The following PCDHA2 variants were observed in gnomAD, a reference collection of about 807,000 sequenced individuals.
PCDHA2 encodes protocadherin alpha 2.
In PCDHA2, 58 loss-of-function variants were observed where a neutral mutation model predicts 66.0. The observed-to-expected ratio is 0.88, with a 90% CI of 0.71 to 1.09. The LOEUF is 1.09. PCDHA2 is among the 50% of genes least tolerant of loss of function. PCDHA2 has a pLI of 0.00. For synonymous variants in PCDHA2, 634 were observed against 554.0 expected (o/e 1.14, Z -2.03); for missense variants, 1,267 against 1,242.3 (o/e 1.02, Z -0.30).
Position 141,009,661 on chromosome 5 carries a change from T to G in PCDHA2, c.2571T>G (p.Gly857=), listed in dbSNP as rs1554262260. ...PEAGEVSPPV[G]AGVNSNSWTF... ...CAGGAGAAGTGTCCCCTCCAGTCGG[T>G]GCGGGTGTCAACAGCAACAGCTGGA... The change falls in exon 4 of 4, where the codon GGT becomes GGG. Residue 857 remains glycine (G), a synonymous_variant. Coordinates refer to ENST00000526136, the MANE Select transcript of PCDHA2 (RefSeq NM_018905.3). 1 of 1,614,030 alleles carries G rather than the reference T, an allele frequency of 6.2e-7. No homozygotes were observed.
Position 140,801,313 on chromosome 5 carries a change from C to T in PCDHA2, c.2388+3961C>T, listed in dbSNP as rs1489581574. The T allele has an allele frequency of 3.1e-6, 5 of 1,613,302 alleles. No homozygotes were observed. In the East Asian group the frequency reaches 6.7e-5, roughly 22 times the overall value. The stretch of plus-strand genomic sequence containing the variant: ...CTCCACTACTCCGTCTCTGAGGAGG[C>T]CAAGCATGGCACCTTCGTGGGCCGC... On this transcript the variant is annotated intron_variant, in intron 1 of 3. Transcript: ENST00000526136.
rs190903365 is a variant in PCDHA2 at position 140,812,400 on chromosome 5, C to T, written c.2388+15048C>T. On this transcript the variant is annotated intron_variant, in intron 1 of 3. Coordinates refer to ENST00000526136, the MANE Select transcript of PCDHA2 (RefSeq NM_018905.3). ...TTTTTTTCTTAGTCTAGCTAAGGGG[C>T]TTGTCAGTTTTGTTGTTTTTTCAAA... 5 of 151,904 alleles carry T rather than the reference C, an allele frequency of 3.3e-5. No homozygotes were observed. In the East Asian group the frequency reaches 9.7e-4, roughly 29 times the overall value. The allele number at this position is 151,904 out of a possible 1,614,324, so 9.4% of individuals were successfully genotyped here. A position where few individuals can be genotyped will look rare whatever the true frequency, so the allele number is the denominator to read the frequency against.
intron 1 of PCDHA2, among the ~76,000 whole-genome samples, chr5:140,919,331 A>G (rs2079089725): frequency 6.6e-6 from 1 of 152,026 alleles, no homozygotes; most frequent in Non-Finnish European, 1.5e-5. Context: ...TTTACTTTCA[A>G]TCTGTTTGTA....
At chr5:140,805,068 C>T in intron 1 of PCDHA2, 1 of 1,593,038 alleles carries the variant, frequency 6.3e-7, no homozygotes, top group Non-Finnish European at 8.5e-7. Context: ...AGATATGGAA[C>T]TTCAATCTTC....
chr5:140,802,857 T>A (rs567006708), intron 1 of PCDHA2: 2 of 1,613,308 alleles, frequency 1.2e-6, no homozygotes, highest in Non-Finnish European at 1.7e-6. Flanking sequence ...GCTGCAGGTG[T>A]TCGTGCTGGA....
chr5:140,843,322 G>T (rs1473227460), intron 1 of PCDHA2: 4 of 1,595,938 alleles, frequency 2.5e-6, no homozygotes, highest in Non-Finnish European at 1.7e-6. Context: ...CGGTTCTGGT[G>T]TCGCTGGTGG....
At chr5:140,829,599 C>G in intron 1 of PCDHA2, 8 of 1,612,030 alleles carry the variant, frequency 5.0e-6, no homozygotes, top group Non-Finnish European at 6.8e-6. Flanking sequence ...GGCGAGCGCG[C>G]GTTGTCGAGC....
intron 1 of PCDHA2, among the ~76,000 whole-genome samples, chr5:140,948,544 G>A (rs2094271073): frequency 1.3e-5 from 2 of 151,392 alleles, no homozygotes; most frequent in Admixed American, 1.3e-4. Flanking sequence ...TTCATGCTCT[G>A]TCAATTTTGT....
At chr5:140,835,546 C>A (rs1340907598) in intron 1 of PCDHA2, 1 of 1,613,946 alleles carries the variant, frequency 6.2e-7, no homozygotes, top group African/African-American at 1.3e-5. Context: ...GTTACCTGCT[C>A]CCTGACGCCC....
chr5:140,851,482 A>G lies in PCDHA2; in HGVS notation c.2388+54130A>G, dbSNP rs920921115. ...AATTATGTCAATAAATGTTATAAAC[A>G]CAGCCTTCATTTCAACTTATATAAA... On this transcript the variant is annotated intron_variant, in intron 1 of 3. Coordinates refer to ENST00000526136, the MANE Select transcript of PCDHA2 (RefSeq NM_018905.3). 35 of 893,414 alleles carry G rather than the reference A, an allele frequency of 3.9e-5. 3 individuals carry two copies. The highest frequency in any genetic ancestry group is 4.2e-5 in the Non-Finnish European group (31 of 732,620). The allele number at this position is 893,414 out of a possible 1,614,324, so 55.3% of individuals were successfully genotyped here. A position where few individuals can be genotyped will look rare whatever the true frequency, so the allele number is the denominator to read the frequency against.
chr5:140,858,622 G>T, intron 1 of PCDHA2: 1 of 1,136,482 alleles, frequency 8.8e-7, no homozygotes, highest in Non-Finnish European at 1.2e-6. Flanking sequence ...ATCCTACCCA[G>T]TGTGTCAGCC....
rs1452561536 is a variant in PCDHA2, at chr5:140,794,990, G to T, written c.26G>T (p.Arg9Leu). 6.2e-7 allele frequency: 1 copy of T among 1,613,214 alleles called. No individual in the cohort carries two copies. Among genetic ancestry groups the T allele is most frequent in the East Asian group, 2.2e-5 (1 of 44,870 alleles). ...ATGGCGTCTTCTATCAGAAGGGGCCGAGGGGCCTGGACACGGCTGCTCTCG... is the reference window on the plus strand; with the variant it reads ...ATGGCGTCTTCTATCAGAAGGGGCCTAGGGGCCTGGACACGGCTGCTCTCG... MASSIRRG[R>L]GAWTRLLSLL... is the part of the protein sequence containing the mutation. The change falls in exon 1 of 4, where the codon CGA (arginine) becomes CTA (leucine). Residue 9 changes from arginine to leucine, a missense_variant. Physicochemically the swap from Arg to Leu is moderately radical, Grantham distance 102. Coordinates refer to ENST00000526136, the MANE Select transcript of PCDHA2 (RefSeq NM_018905.3).
Position 140,856,093 on chromosome 5 carries a change from C to T in PCDHA2, c.2388+58741C>T, listed in dbSNP as rs533343357. 16 of 1,597,146 alleles carry T rather than the reference C, an allele frequency of 1.0e-5. 3 individuals are homozygous for T. Among genetic ancestry groups the T allele is most frequent in the South Asian group, 7.7e-5 (7 of 90,462 alleles). ...GCCTGGGGGTCCAGTGTCTGCTGCT[C>T]TCGCTTCTTCTCCTCGCAGCCTGGG... is the stretch of plus-strand genomic sequence containing the variant. On this transcript the variant is annotated intron_variant, in intron 1 of 3. Coordinates refer to ENST00000526136, the MANE Select transcript of PCDHA2 (RefSeq NM_018905.3).
intron 1 of PCDHA2, among the ~76,000 whole-genome samples, chr5:140,901,939 A>G (rs1583441166): frequency 6.6e-6 from 1 of 151,884 alleles, no homozygotes; most frequent in Non-Finnish European, 1.5e-5. Flanking sequence ...TCCTAGGTAT[A>G]TTTAGTTTTA....
Position 141,010,239 on chromosome 5 carries a change from G to A in PCDHA2, c.*302G>A. ...AGGCTTCCCAGCCCCGCCAGTGAGA[G>A]GTTGGACTCTCTGCCCTGTGCTCCG... On this transcript the variant is annotated 3_prime_UTR_variant, in exon 4 of 4. Transcript: ENST00000526136. 1 of 1,551,938 alleles carries A rather than the reference G, an allele frequency of 6.4e-7. No homozygotes were observed. Among genetic ancestry groups the A allele is most frequent in the Non-Finnish European group, 8.7e-7 (1 of 1,147,044 alleles).
intron 1 of PCDHA2, chr5:140,850,349 G>T (rs1554144220): frequency 1.9e-6 from 3 of 1,597,844 alleles, no homozygotes; most frequent in Non-Finnish European, 2.6e-6. Flanking sequence ...CGGCCAGCGC[G>T]AGCATCCCGT....
At chr5:140,986,899 C>G (rs2097217128) in intron 3 of PCDHA2, among the ~76,000 whole-genome samples, 1 of 152,072 alleles carries the variant, frequency 6.6e-6, no homozygotes, top group African/African-American at 2.4e-5. Flanking sequence ...AGGCCCTATC[C>G]TAGACTAATG....
At chr5:140,838,077 AGTGTG>A (rs1171079264) in intron 1 of PCDHA2, among the ~76,000 whole-genome samples, 34 of 80,696 alleles carry the variant, frequency 4.2e-4, no homozygotes, top group African/African-American at 1.3e-3. Context: ...ATATATATAT[AGTGTG>A]TGTGTGTGTG....
At chr5:140,851,222 T>A in intron 1 of PCDHA2, 1 of 1,140,378 alleles carries the variant, frequency 8.8e-7, no homozygotes, top group Non-Finnish European at 1.1e-6. Context: ...TTAACATCAC[T>A]ATCATTTATT....
Sources: gnomAD v4.1 joint callset for allele counts (sites outside exome capture counted in the v4.1 genomes callset) on GRCh38, gnomAD v4.1.1 for gene constraint, MANE v1.5 for transcripts, NCBI Gene and HGNC (gene_info 2026-07-23, HGNC 2026-07-21) for gene names.